NAA16: variants seen among roughly 807,000 people sequenced by gnomAD.
NAA16 encodes N-alpha-acetyltransferase 16, NatA auxiliary subunit.
Under a neutral mutation model 110.3 loss-of-function variants are expected in NAA16, and 97 were observed. That is an observed-to-expected ratio of 0.88 (90% CI 0.75 to 1.04). The LOEUF is 1.04. Ranked by LOEUF, NAA16 falls within the 50% of genes least tolerant of loss-of-function variation. The pLI is 0.00. For missense variants in NAA16, 1,017 were observed against 1,005.1 expected, an observed-to-expected ratio of 1.01 and a Z score of -0.16; for synonymous variants, 372 against 330.6, an observed-to-expected ratio of 1.13 and a Z score of -1.36.
intron 13 of NAA16, chr13:41,362,645 ATTAT>A: frequency 1.7e-6 from 2 of 1,172,938 alleles, no homozygotes; most frequent in South Asian, 2.6e-5. Flanking sequence ...TGCTTTTAGG[ATTAT>A]TTGTGTGATG....
intron 13 of NAA16, among the ~76,000 whole-genome samples, chr13:41,366,211 T>A (rs544998702): frequency 5.3e-4 from 80 of 152,306 alleles, no homozygotes; most frequent in Non-Finnish European, 8.4e-4. Context: ...CTTTTCCTGT[T>A]TCTTACCCTC....
At chr13:41,312,900 T>C (rs2041675734) in intron 1 of NAA16, among the ~76,000 whole-genome samples, 2 of 152,214 alleles carry the variant, frequency 1.3e-5, no homozygotes, top group African/African-American at 4.8e-5. Context: ...TTCATTGGGC[T>C]TTGTATTTTT....
intron 9 of NAA16, among the ~76,000 whole-genome samples, chr13:41,344,211 C>T (rs1471191990): frequency 2.0e-5 from 3 of 152,104 alleles, no homozygotes; most frequent in Non-Finnish European, 4.4e-5. Context: ...CAGATAAATT[C>T]GTTTTTCACA....
At chr13:41,369,396 A>G (rs1004385189) in intron 15 of NAA16, 113 bp downstream of exon 15, 5 of 1,105,690 alleles carry the variant, frequency 4.5e-6, no homozygotes, top group Admixed American at 2.8e-5. Context: ...AAATATTTCA[A>G]GGTTTTTATA....
chr13:41,376,884 A>G lies in NAA16; in HGVS notation c.*1282A>G, dbSNP rs1276314279. ...AATGCTTCCCTTTATTAAGACAAAT[A>G]TACATTCAAAAAGGGAGATTTTATT... is the stretch of plus-strand genomic sequence containing the variant. On this transcript the variant is annotated 3_prime_UTR_variant, in exon 20 of 20. Coordinates refer to ENST00000379406, the MANE Select transcript of NAA16 (RefSeq NM_024561.5). 1 of 152,202 alleles carries G rather than the reference A, an allele frequency of 6.6e-6. No individual in the cohort carries two copies. Among genetic ancestry groups the G allele is most frequent in the East Asian group, 1.9e-4 (1 of 5,200 alleles). The allele number at this position is 152,202 out of a possible 1,614,324, so 9.4% of individuals were successfully genotyped here.
chr13:41,327,248 A>G (rs1341279931), intron 6 of NAA16, among the ~76,000 whole-genome samples: 1 of 148,998 alleles, frequency 6.7e-6, no homozygotes, highest in Non-Finnish European at 1.5e-5. Flanking sequence ...AAATATGGGT[A>G]AATAATTAAA....
In NAA16 at chr13:41,358,762, C is replaced by A; in HGVS notation, c.1258-48C>A. On this transcript the variant is annotated intron_variant, in intron 11 of 19. Coordinates refer to ENST00000379406, the MANE Select transcript of NAA16 (RefSeq NM_024561.5). ...AAATTATTTTCCATTTTATTGTACT[C>A]ATATTCTCTTGATTATAAATTGTGG... is the stretch of plus-strand genomic sequence containing the variant. 2.0e-6 allele frequency: 3 copies of A among 1,527,602 alleles called. No homozygotes were observed. In the South Asian group the frequency reaches 3.9e-5, roughly 20 times the overall value. The allele number at this position is 1,527,602 out of a possible 1,614,324, so 94.6% of individuals were successfully genotyped here. A position where few individuals can be genotyped will look rare whatever the true frequency, so the allele number is the denominator to read the frequency against.
intron 13 of NAA16, among the ~76,000 whole-genome samples, chr13:41,364,820 C>T (rs1399146419): frequency 6.6e-6 from 1 of 152,096 alleles, no homozygotes; most frequent in Non-Finnish European, 1.5e-5. Context: ...AATTGAGTTG[C>T]TAATTTTCCT....
At chr13:41,314,089 T>A in intron 1 of NAA16, among the ~76,000 whole-genome samples, 1 of 152,138 alleles carries the variant, frequency 6.6e-6, no homozygotes, top group East Asian at 1.9e-4. Flanking sequence ...TTATATAAAC[T>A]CTATAACTAT....
At chr13:41,340,832 G>A (rs1404527588) in intron 9 of NAA16, among the ~76,000 whole-genome samples, 7 of 151,602 alleles carry the variant, frequency 4.6e-5, no homozygotes, top group African/African-American at 1.2e-4. Flanking sequence ...GCCTGCCACC[G>A]TGCCCGGCTA....
intron 9 of NAA16, among the ~76,000 whole-genome samples, chr13:41,347,267 C>T (rs967966870): frequency 8.0e-5 from 12 of 150,762 alleles, no homozygotes; most frequent in Non-Finnish European, 1.6e-4. Context: ...AAGTGTGACT[C>T]CTCCTACTTT....
At chr13:41,363,579 T>C (rs933652181) in intron 13 of NAA16, among the ~76,000 whole-genome samples, 2 of 152,190 alleles carry the variant, frequency 1.3e-5, no homozygotes, top group Non-Finnish European at 2.9e-5. Context: ...TAGATTATAC[T>C]TTCCCTTAAA....
chr13:41,311,757 C>CT (rs1275655452), intron 1 of NAA16, among the ~76,000 whole-genome samples, 175 bp downstream of exon 1: 3 of 152,216 alleles, frequency 2.0e-5, no homozygotes, highest in African/African-American at 7.2e-5. Context: ...CCCACGGGGG[C>CT]TGCCGAGCCG....
intron 1 of NAA16, 90 bp downstream of exon 1, chr13:41,311,672 A>G (rs1014252413): frequency 3.0e-5 from 36 of 1,214,480 alleles, no homozygotes; most frequent in Non-Finnish European, 3.6e-5. Flanking sequence ...GGCGCGGGCC[A>G]GGCTTGGCCT....
In NAA16 at chr13:41,362,082, C is replaced by G; in HGVS notation, c.1462C>G (p.Gln488Glu). ...AAATGAAATGCAGTGTATGTGGTTTCAGACAGAATGCATTTCAGCTTATCA... is the reference window on the plus strand; with the variant it reads ...AAATGAAATGCAGTGTATGTGGTTTGAGACAGAATGCATTTCAGCTTATCA... ...NLNEMQCMWFQTECISAYQRL... is the reference protein window; with the variant it reads ...NLNEMQCMWFETECISAYQRL... The change falls in exon 13 of 20, where the codon CAG becomes GAG. Residue 488 changes from glutamine (Q) to glutamate (E), a missense_variant. Gln to Glu is a conservative substitution (Grantham distance 29). Coordinates refer to ENST00000379406, the MANE Select transcript of NAA16 (RefSeq NM_024561.5). 6.2e-7 allele frequency: 1 copy of G among 1,610,506 alleles called. No homozygotes were observed.
At chr13:41,366,051 A>C (rs1450475541) in intron 13 of NAA16, among the ~76,000 whole-genome samples, 2 of 152,130 alleles carry the variant, frequency 1.3e-5, no homozygotes, top group Admixed American at 6.6e-5. Flanking sequence ...GAAACCACTA[A>C]CAACTTTATG....
intron 8 of NAA16, among the ~76,000 whole-genome samples, chr13:41,331,590 T>C (rs1266666997): frequency 6.6e-6 from 1 of 152,142 alleles, no homozygotes; most frequent in African/African-American, 2.4e-5. Flanking sequence ...TAAAACTGCT[T>C]TTCTTAAGTT....
In NAA16 at chr13:41,372,947, C is replaced by A. The variant is rs897958437; in HGVS notation, c.2155+117C>A. Reference sequence around the variant, plus strand: ...AACCCTCTCTTTGTGAAGTAAAAAGCCCTGATTTGTATTTTCATGATACAA... The same window carrying A: ...AACCCTCTCTTTGTGAAGTAAAAAGACCTGATTTGTATTTTCATGATACAA... On this transcript the variant is annotated intron_variant, in intron 17 of 19. Transcript: ENST00000379406. 2.1e-5 allele frequency: 25 copies of A among 1,192,002 alleles called. No homozygotes were observed. The African/African-American group carries it at 3.6e-4, about 17-fold the overall frequency. 73.8% of individuals were successfully genotyped at this position (1,192,002 alleles called of 1,614,324 possible).
At position 41,367,593 on chromosome 13, in the gene NAA16, A is replaced by G. The variant is rs780687042; in HGVS notation, c.1694A>G (p.Tyr565Cys). The change falls in exon 14 of 20, where the codon TAC (tyrosine) becomes TGC (cysteine). Residue 565 changes from tyrosine (Y) to cysteine (C), a missense_variant. Physicochemically the swap from Tyr to Cys is radical, Grantham distance 194. Transcript: ENST00000379406. ...FKAARSAIEI[Y>C]LKLYDNPLTN... The stretch of plus-strand genomic sequence containing the variant: ...GCTGCTAGATCAGCGATTGAAATAT[A>G]CTTGAAATTGTATGATAATCCCTTA... 2 of 1,613,320 alleles carry G rather than the reference A, an allele frequency of 1.2e-6. No homozygotes were observed. Among genetic ancestry groups the G allele is most frequent in the East Asian group, 2.2e-5 (1 of 44,784 alleles).
Sources: gnomAD v4.1 joint callset for allele counts (sites outside exome capture counted in the v4.1 genomes callset) on GRCh38, gnomAD v4.1.1 for gene constraint, MANE v1.5 for transcripts, NCBI Gene and HGNC (gene_info 2026-07-23, HGNC 2026-07-21) for gene names.